WWOX: variants seen among roughly 807,000 people sequenced by gnomAD.
WWOX encodes WW domain containing oxidoreductase.
In WWOX, 69 loss-of-function variants were observed where a neutral mutation model predicts 46.2. The ratio of observed to expected loss-of-function variants is 1.49; its 90% confidence interval spans 1.23 to 1.82. The LOEUF is 1.82. WWOX is among the 40% of genes most tolerant of loss of function. The pLI, the probability that WWOX is intolerant of heterozygous loss-of-function variation, is 0.00. For missense variants in WWOX, 919 were observed against 542.6 expected, an observed-to-expected ratio of 1.69 and a Z score of -6.89; for synonymous variants, 359 against 202.6, an observed-to-expected ratio of 1.77 and a Z score of -6.56.
At chr16:78,590,035 A>G (rs966867793) in intron 8 of WWOX, among the ~76,000 whole-genome samples, 1 of 152,160 alleles carries the variant, frequency 6.6e-6, no homozygotes, top group Non-Finnish European at 1.5e-5. Flanking sequence ...ACGCACTGTG[A>G]TAAGTCCTAG....
chr16:79,156,581 G>A (rs1031443491), intron 8 of WWOX, among the ~76,000 whole-genome samples: 1 of 152,184 alleles, frequency 6.6e-6, no homozygotes, highest in Non-Finnish European at 1.5e-5. Flanking sequence ...AGTAGTCAGA[G>A]TTAAAAACCA....
intron 8 of WWOX, among the ~76,000 whole-genome samples, chr16:78,640,396 A>T (rs2046678722): frequency 6.6e-6 from 1 of 151,844 alleles, no homozygotes; most frequent in Non-Finnish European, 1.5e-5. Context: ...TGGTGTTCAG[A>T]ATTGGCAGGA....
intron 4 of WWOX, among the ~76,000 whole-genome samples, chr16:78,152,151 C>T (rs1296441128): frequency 1.1e-4 from 17 of 151,088 alleles, no homozygotes; most frequent in Admixed American, 1.1e-3. Flanking sequence ...GATCGCGCCA[C>T]TGCACTCCAG....
chr16:78,101,445 C>A (rs1341282498), intron 1 of WWOX, among the ~76,000 whole-genome samples: 1 of 149,522 alleles, frequency 6.7e-6, no homozygotes, highest in Non-Finnish European at 1.5e-5. Flanking sequence ...ATGCCGAGTT[C>A]AAGCGATTCT....
chr16:78,301,826 ACTGAGCCTTT>A lies in WWOX; in HGVS notation c.517-85031_517-85022del, dbSNP rs1322799152. Among the ~76,000 whole-genome samples, 17 of 152,274 alleles carry A rather than the reference ACTGAGCCTTT, an allele frequency of 1.1e-4. No individual in the cohort carries two copies. In the East Asian group the frequency reaches 2.9e-3, roughly 26 times the overall value. Reference sequence around the variant, plus strand: ...CAGGATTACGTTACCTAGGGTTAGGACTGAGCCTTTCTTCCACCTTCTTGGGGTTGGAGGG... The same window carrying A: ...CAGGATTACGTTACCTAGGGTTAGGACTTCCACCTTCTTGGGGTTGGAGGG... On this transcript the variant is annotated intron_variant, in intron 5 of 8. Coordinates refer to ENST00000566780, the MANE Select transcript of WWOX (RefSeq NM_016373.4).
intron 5 of WWOX, among the ~76,000 whole-genome samples, chr16:78,251,553 C>G (rs1460308823): frequency 6.6e-6 from 1 of 152,212 alleles, no homozygotes; most frequent in Non-Finnish European, 1.5e-5. Context: ...TGAAGGTCTA[C>G]ATCAAATCAG....
intron 8 of WWOX, among the ~76,000 whole-genome samples, chr16:78,793,141 C>G (rs1372739875): frequency 6.6e-6 from 1 of 152,184 alleles, no homozygotes; most frequent in East Asian, 1.9e-4. Flanking sequence ...GATGCAATCT[C>G]AGGTCACTGC....
intron 5 of WWOX, among the ~76,000 whole-genome samples, chr16:78,274,893 G>A (rs1042275170): frequency 6.6e-6 from 1 of 152,136 alleles, no homozygotes; most frequent in Non-Finnish European, 1.5e-5. Flanking sequence ...ACTGCTTGCA[G>A]GGATTAAACA....
At chr16:78,520,331 C>T (rs578209365) in intron 8 of WWOX, among the ~76,000 whole-genome samples, 103 of 152,224 alleles carry the variant, frequency 6.8e-4, no homozygotes, top group Middle Eastern at 3.4e-3. Context: ...CTTAAGGATA[C>T]GCACATTAGA....
intron 8 of WWOX, among the ~76,000 whole-genome samples, chr16:78,692,746 TG>T (rs2048018378): frequency 6.6e-6 from 1 of 152,246 alleles, no homozygotes; most frequent in African/African-American, 2.4e-5. Context: ...CTTCTTAAAC[TG>T]GGGTATGAGT....
At chr16:78,518,231 TTTTG>T (rs1234583699) in intron 8 of WWOX, among the ~76,000 whole-genome samples, 1 of 152,080 alleles carries the variant, frequency 6.6e-6, no homozygotes. Context: ...TAATGTTATT[TTTTG>T]TTTGTTTGTT....
rs148447168 is a variant in WWOX, at chr16:78,867,473, G to C, written c.1057-344135G>C. ...GATGGGGAATCTGAGACTCAGAGAAGTTAAATGATTTTGTGTGTGTGTGTG... is the reference window on the plus strand; with the variant it reads ...GATGGGGAATCTGAGACTCAGAGAACTTAAATGATTTTGTGTGTGTGTGTG... On this transcript the variant is annotated intron_variant, in intron 8 of 8. Transcript: ENST00000566780. Among the ~76,000 whole-genome samples the C allele has an allele frequency of 9.4e-5, 14 of 149,496 alleles. No homozygotes were observed. In the East Asian group the frequency reaches 2.8e-3, roughly 29 times the overall value.
At chr16:78,787,402 A>G (rs2050484305) in intron 8 of WWOX, among the ~76,000 whole-genome samples, 2 of 152,194 alleles carry the variant, frequency 1.3e-5, no homozygotes, top group Admixed American at 6.5e-5. Flanking sequence ...GATATCTCAT[A>G]TAAATGGAAT....
At chr16:78,387,944 G>C (rs72796086) in intron 6 of WWOX, among the ~76,000 whole-genome samples, 9,919 of 152,010 alleles carry the variant, frequency 0.065, 417 homozygotes, top group South Asian at 0.17. Context: ...GGGAACATTA[G>C]TTCTGCAGTG....
chr16:78,661,400 G>A (rs1184489279), intron 8 of WWOX, among the ~76,000 whole-genome samples: 1 of 152,078 alleles, frequency 6.6e-6, no homozygotes, highest in African/African-American at 2.4e-5. Flanking sequence ...CCTAAGCTGG[G>A]CAATTTTTTT....
intron 8 of WWOX, among the ~76,000 whole-genome samples, chr16:78,633,682 G>T (rs1027058930): frequency 6.6e-6 from 1 of 152,118 alleles, no homozygotes; most frequent in Admixed American, 6.6e-5. Flanking sequence ...TACCTCCTGC[G>T]TGCTTTTATG....
rs1038375120 is a variant in WWOX at position 78,211,310 on chromosome 16, A to T, written c.516+47021A>T. 1.4e-4 allele frequency among the ~76,000 whole-genome samples: 21 copies of T among 152,276 alleles called. 1 individual carries two copies. The highest frequency in any genetic ancestry group is 4.6e-4 in the African/African-American group (19 of 41,558). ...GACTCACACGTCACAAGGAGTCCAG[A>T]GGCATGGCTTTGAAGAGCTCTTTTC... On this transcript the variant is annotated intron_variant, in intron 5 of 8. Transcript: ENST00000566780.
intron 8 of WWOX, among the ~76,000 whole-genome samples, chr16:79,186,071 A>G (rs1344334503): frequency 1.3e-5 from 2 of 151,938 alleles, no homozygotes; most frequent in Non-Finnish European, 2.9e-5. Context: ...TCAAAAAATG[A>G]TGTTGGGTGT....
chr16:78,867,020 G>A (rs2075829), intron 8 of WWOX, among the ~76,000 whole-genome samples: 27,135 of 152,118 alleles, frequency 0.18, 2,930 homozygotes, highest in South Asian at 0.27. Flanking sequence ...TTGCAGGCTG[G>A]GTCTAGTCCT....
Sources: gnomAD v4.1 joint callset for allele counts (sites outside exome capture counted in the v4.1 genomes callset) on GRCh38, gnomAD v4.1.1 for gene constraint, MANE v1.5 for transcripts, NCBI Gene and HGNC (gene_info 2026-07-23, HGNC 2026-07-21) for gene names.